The following MET variants were observed in gnomAD, a reference collection of about 807,000 sequenced individuals.
The protein encoded by MET is hepatocyte growth factor receptor.
MET carries 48 observed loss-of-function variants against 133.1 expected under a neutral mutation model. The ratio of observed to expected loss-of-function variants is 0.36; its 90% CI spans 0.29 to 0.46. The LOEUF is 0.46. MET is among the 20% of genes least tolerant of loss of function. The probability of loss-of-function intolerance (pLI) is 1.00; values close to 1 mark genes in which losing one functional copy is unlikely to be tolerated. For missense variants in MET, 1,442 were observed against 1,695.9 expected (o/e 0.85, Z 2.63); for synonymous variants, 628 against 616.5 (o/e 1.02, Z -0.28).
At chr7:116,677,987 GTC>G (rs1018263301) in intron 1 of MET, among the ~76,000 whole-genome samples, 3 of 28,936 alleles carry the variant, frequency 1.0e-4, no homozygotes, top group South Asian at 1.3e-3. Context: ...CTCTCTCTCT[GTC>G]TCTCTCTCTC....
At chr7:116,692,994 CA>C (rs1317971041) in intron 1 of MET, among the ~76,000 whole-genome samples, 1 of 152,100 alleles carries the variant, frequency 6.6e-6, no homozygotes, top group Non-Finnish European at 1.5e-5. Flanking sequence ...CTGATCCAGA[CA>C]CATCATGGGG....
chr7:116,756,686 A>G (rs1172302902), intron 6 of MET, among the ~76,000 whole-genome samples: 1 of 152,204 alleles, frequency 6.6e-6, no homozygotes, highest in Admixed American at 6.5e-5. Context: ...TTATCATTTA[A>G]GTAATTTAAA....
At chr7:116,735,008 C>T (rs920300950) in intron 3 of MET, among the ~76,000 whole-genome samples, 6 of 152,156 alleles carry the variant, frequency 3.9e-5, no homozygotes, top group Admixed American at 3.3e-4. Context: ...AATATTTGTG[C>T]ATGACTGTCA....
intron 2 of MET, among the ~76,000 whole-genome samples, chr7:116,721,612 G>A (rs1225699255): frequency 1.3e-5 from 2 of 152,022 alleles, no homozygotes; most frequent in Non-Finnish European, 2.9e-5. Flanking sequence ...GCTTTCTCTT[G>A]TGGGCATTTA....
Position 116,746,771 on chromosome 7 carries a change from G to A in MET, c.1701+5746G>A, listed in dbSNP as rs193082291. ...CAGGAAGGGGAATATCACACACCGG[G>A]GCCTGTTGTGGGGTCGGGGGAGGGG... is the stretch of plus-strand genomic sequence containing the variant. On this transcript the variant is annotated intron_variant, in intron 5 of 20. Transcript: ENST00000397752. Among the ~76,000 whole-genome samples, 60 of 150,252 alleles carry A rather than the reference G, an allele frequency of 4.0e-4. No homozygotes were observed. The Middle Eastern group carries it at 0.014, about 34-fold the overall frequency.
At position 116,700,167 on chromosome 7, in the gene MET, C is replaced by G. The variant is rs1044616410; in HGVS notation, c.1083C>G (p.Ala361=). 1 of 1,595,512 alleles carries G rather than the reference C, an allele frequency of 6.3e-7. No homozygotes were observed. The part of the protein sequence containing the change: ...PDSAEPMDRS[A]MCAFPIKYVN... Reference sequence around the variant, plus strand: ...CTGCCGAACCAATGGATCGATCTGCCATGTGTGCATTCCCTATCAAATATG... The same window carrying G: ...CTGCCGAACCAATGGATCGATCTGCGATGTGTGCATTCCCTATCAAATATG... Residue 361 remains alanine, a synonymous_variant, in exon 2 of 21, where the codon GCC becomes GCG. Coordinates refer to ENST00000397752, the MANE Select transcript of MET (RefSeq NM_000245.4).
chr7:116,702,255 T>G (rs1791608772), intron 2 of MET, among the ~76,000 whole-genome samples: 1 of 152,148 alleles, frequency 6.6e-6, no homozygotes, highest in South Asian at 2.1e-4. Context: ...CAACATAGTC[T>G]TCTTACAAAG....
chr7:116,720,209 T>G (rs1239338337), intron 2 of MET, among the ~76,000 whole-genome samples: 1 of 147,454 alleles, frequency 6.8e-6, no homozygotes, highest in Non-Finnish European at 1.5e-5. Context: ...ACATCCCTTG[T>G]AAGTTGGATT....
At chr7:116,675,179 G>T (rs899790345) in intron 1 of MET, among the ~76,000 whole-genome samples, 1 of 152,182 alleles carries the variant, frequency 6.6e-6, no homozygotes, top group Non-Finnish European at 1.5e-5. Flanking sequence ...CTGACACTGA[G>T]TTGCTGCTAG....
intron 11 of MET, among the ~76,000 whole-genome samples, chr7:116,765,586 G>A (rs1794596876): frequency 6.6e-6 from 1 of 152,064 alleles, no homozygotes; most frequent in Non-Finnish European, 1.5e-5. Flanking sequence ...TGAATCCTAA[G>A]CCCCATGGAT....
chr7:116,704,279 T>C (rs1169334989), intron 2 of MET, among the ~76,000 whole-genome samples: 1 of 152,094 alleles, frequency 6.6e-6, no homozygotes, highest in Non-Finnish European at 1.5e-5. Context: ...CATGGACTAA[T>C]GGAAAGAGAC....
At chr7:116,763,440 G>A (rs932898933) in intron 11 of MET, 172 bp downstream of exon 11, 93 of 653,928 alleles carry the variant, frequency 1.4e-4, no homozygotes, top group Non-Finnish European at 2.0e-4. Context: ...AAGAATAACC[G>A]TGGACTGCAT....
intron 19 of MET, among the ~76,000 whole-genome samples, chr7:116,790,791 T>C (rs145762580): frequency 1.5e-3 from 225 of 152,254 alleles, no homozygotes; most frequent in African/African-American, 2.1e-3. Flanking sequence ...TAAAGAACAT[T>C]TGGGGCCAGG....
intron 5 of MET, among the ~76,000 whole-genome samples, chr7:116,747,488 AAAAC>A (rs771435910): frequency 6.6e-6 from 1 of 152,236 alleles, no homozygotes; most frequent in Non-Finnish European, 1.5e-5. Flanking sequence ...AGTCTCTGAT[AAAAC>A]AGACTTCAAA....
At chr7:116,735,139 C>T (rs1022788036) in intron 3 of MET, among the ~76,000 whole-genome samples, 3 of 152,168 alleles carry the variant, frequency 2.0e-5, no homozygotes, top group South Asian at 2.1e-4. Flanking sequence ...TACACTGTGC[C>T]TGCTCCCAAT....
At chr7:116,777,233 G>A (rs1345776014) in intron 15 of MET, among the ~76,000 whole-genome samples, 156 bp from the exon 16 acceptor site, 3 of 152,124 alleles carry the variant, frequency 2.0e-5, no homozygotes, top group Admixed American at 6.5e-5. Context: ...ACACACCTAC[G>A]TACCTATAGT....
At chr7:116,777,538 A>G in intron 16 of MET, 69 bp downstream of exon 16, 1 of 1,416,046 alleles carries the variant, frequency 7.1e-7, no homozygotes, top group East Asian at 2.3e-5. Context: ...AGCTTATAAT[A>G]AAACGTTGAT....
chr7:116,685,269 T>A (rs1320682989), intron 1 of MET, among the ~76,000 whole-genome samples: 2 of 152,246 alleles, frequency 1.3e-5, no homozygotes, highest in Non-Finnish European at 2.9e-5. Context: ...TGGCTTTTCA[T>A]GATGTCTACA....
At chr7:116,741,540 G>A (rs983511699) in intron 5 of MET, among the ~76,000 whole-genome samples, 5 of 152,172 alleles carry the variant, frequency 3.3e-5, no homozygotes. Flanking sequence ...CCATGCTGGG[G>A]CACACAGGAC....
Sources: gnomAD v4.1 joint callset for allele counts (sites outside exome capture counted in the v4.1 genomes callset) on GRCh38, gnomAD v4.1.1 for gene constraint, MANE v1.5 for transcripts, NCBI Gene and HGNC (gene_info 2026-07-23, HGNC 2026-07-21) for gene names.